The following OPA1 variants were observed in gnomAD, a reference collection of about 807,000 sequenced individuals.
OPA1 encodes dynamin-like GTPase OPA1, mitochondrial.
In OPA1, 59 loss-of-function variants were observed where a neutral mutation model predicts 152.9. That is an observed-to-expected ratio of 0.39 (90% CI 0.31 to 0.48). The LOEUF (loss-of-function observed/expected upper bound fraction) is 0.48, where lower values mean the gene tolerates loss of function less well. OPA1 is among the 20% of genes least tolerant of loss of function. The pLI is 0.96. For synonymous variants in OPA1, 400 were observed against 389.9 expected, an observed-to-expected ratio of 1.03 and a Z score of -0.31; for missense variants, 1,008 against 1,216.8, an observed-to-expected ratio of 0.83 and a Z score of 2.55.
intron 21 of OPA1, among the ~76,000 whole-genome samples, chr3:193,652,098 A>C (rs1712628582): frequency 2.0e-5 from 3 of 152,306 alleles, no homozygotes; most frequent in South Asian, 2.1e-4. Flanking sequence ...CACAGAATAT[A>C]GTCCAGGCAC....
Position 193,614,877 on chromosome 3 carries a change from T to C in OPA1, c.187T>C (p.Ser63Pro). Residue 63 changes from serine (S) to proline (P), a missense_variant, in exon 2 of 31, where the codon TCT becomes CCT. Physicochemically the swap from Ser to Pro is moderately conservative, Grantham distance 74. Around this residue, in one of 7 missense-constraint regions of OPA1, gnomAD observed 408 missense variants for 395.1 expected, o/e 1.03. Transcript: ENST00000361510. ...PQLRTSFQQF[S>P]SLTNLPLRKL... Reference sequence around the variant, plus strand: ...ATTAAGGACATCCTTTCAGCAGTTCTCTTCTCTGACAAACCTTCCTTTACG... The same window carrying C: ...ATTAAGGACATCCTTTCAGCAGTTCCCTTCTCTGACAAACCTTCCTTTACG... 1 of 1,614,110 alleles carries C rather than the reference T, an allele frequency of 6.2e-7. No homozygotes were observed. The highest frequency in any genetic ancestry group is 8.5e-7 in the Non-Finnish European group (1 of 1,179,952).
At chr3:193,630,960 T>A (rs1277048266) in intron 7 of OPA1, among the ~76,000 whole-genome samples, 1 of 152,222 alleles carries the variant, frequency 6.6e-6, no homozygotes, top group East Asian at 1.9e-4. Context: ...TAATTTTAGT[T>A]GCTTTACTTG....
intron 29 of OPA1, chr3:193,689,137 T>G (rs1312447431): frequency 6.6e-6 from 1 of 152,220 alleles, no homozygotes; most frequent in Non-Finnish European, 1.5e-5. Flanking sequence ...AGTAGATACA[T>G]CATAGCAGAG....
At chr3:193,676,021 C>T (rs1718918464) in intron 29 of OPA1, among the ~76,000 whole-genome samples, 1 of 152,210 alleles carries the variant, frequency 6.6e-6, no homozygotes, top group Non-Finnish European at 1.5e-5. Context: ...TGCCCACTCC[C>T]TTCCTAATAT....
intron 4 of OPA1, 37 bp from the exon 5 acceptor site, chr3:193,617,747 T>G: frequency 1.3e-6 from 2 of 1,515,186 alleles, no homozygotes; most frequent in Admixed American, 1.7e-5. Flanking sequence ...CTGTTAAATT[T>G]TACATTTCTA....
chr3:193,655,521 G>C (rs547685967), intron 22 of OPA1, among the ~76,000 whole-genome samples: 3 of 152,080 alleles, frequency 2.0e-5, no homozygotes, highest in Non-Finnish European at 4.4e-5. Flanking sequence ...CTACCTTAAA[G>C]AATCTATTTC....
chr3:193,671,180 T>C (rs1213826457), intron 29 of OPA1, among the ~76,000 whole-genome samples: 1 of 152,210 alleles, frequency 6.6e-6, no homozygotes, highest in Non-Finnish European at 1.5e-5. Flanking sequence ...AGAGTAACTT[T>C]ACAGTGGATG....
At chr3:193,658,393 T>C (rs1714423492) in intron 23 of OPA1, among the ~76,000 whole-genome samples, 1 of 152,212 alleles carries the variant, frequency 6.6e-6, no homozygotes, top group Non-Finnish European at 1.5e-5. Context: ...TAAATAACTT[T>C]TATGATTTTA....
rs55904490 is a variant in OPA1, at chr3:193,604,860, C to CAAAAAA, written c.33-9853_33-9848dup. Among the ~76,000 whole-genome samples the CAAAAAA allele has an allele frequency of 1.2e-3, 127 of 104,472 alleles. 1 individual carries two copies. The highest frequency in any genetic ancestry group is 1.5e-3 in the African/African-American group (40 of 26,002). The allele number at this position is 104,472 out of a possible 152,430, so 68.5% of individuals were successfully genotyped here. On this transcript the variant is annotated intron_variant, in intron 1 of 30. Coordinates refer to ENST00000361510, the MANE Select transcript of OPA1 (RefSeq NM_130837.3). The stretch of plus-strand genomic sequence containing the variant: ...GGGCAACAAGAGTGAAACTCCATCT[C>CAAAAAA]AAAAAAAAAAAAAAAGAAAAAAGAA...
chr3:193,619,715 T>C (rs1015506275), intron 6 of OPA1: 6 of 152,178 alleles, frequency 3.9e-5, no homozygotes, highest in Non-Finnish European at 4.4e-5. Flanking sequence ...GAAAAAATAT[T>C]GTATGAATGT....
intron 29 of OPA1, among the ~76,000 whole-genome samples, chr3:193,690,706 A>C (rs1721565691): frequency 6.6e-6 from 1 of 152,132 alleles, no homozygotes; most frequent in Non-Finnish European, 1.5e-5. Context: ...CTTCAATTGC[A>C]GATTATTTAC....
intron 6 of OPA1, among the ~76,000 whole-genome samples, chr3:193,625,690 G>A (rs553855411): frequency 2.6e-5 from 4 of 151,002 alleles, no homozygotes; most frequent in Admixed American, 2.6e-4. Context: ...AATTTAATAA[G>A]TAAGTAAGCT....
chr3:193,657,314 T>C (rs994413261), intron 23 of OPA1, 82 bp downstream of exon 23: 1 of 1,278,804 alleles, frequency 7.8e-7, no homozygotes, highest in African/African-American at 1.5e-5. Context: ...GGAGACTTTA[T>C]ATGACTAAAT....
chr3:193,610,805 G>A (rs1369255670), intron 1 of OPA1, among the ~76,000 whole-genome samples: 2 of 152,250 alleles, frequency 1.3e-5, no homozygotes, highest in Non-Finnish European at 2.9e-5. Context: ...AGCAATGAGC[G>A]AGGCTCCATG....
At chr3:193,651,085 G>T (rs564083539) in intron 21 of OPA1, among the ~76,000 whole-genome samples, 12 of 152,210 alleles carry the variant, frequency 7.9e-5, no homozygotes, top group East Asian at 7.7e-4. Context: ...ATAAATGGGG[G>T]CAAGAGGCAG....
chr3:193,615,710 A>G lies in OPA1; in HGVS notation c.388A>G (p.Ser130Gly). ...DQWKDMIPDL[S>G]EYKWIVPDIV... ...GTGGAAAGATATGATACCGGACCTT[A>G]GTGAATATAAATGGATTGTGCCTGA... is the stretch of plus-strand genomic sequence containing the variant. The change falls in exon 3 of 31, where the codon AGT (serine) becomes GGT (glycine). Residue 130 changes from serine to glycine, a missense_variant. Physicochemically the swap from Ser to Gly is moderately conservative, Grantham distance 56. Coordinates refer to ENST00000361510, the MANE Select transcript of OPA1 (RefSeq NM_130837.3). 4 of 1,612,326 alleles carry G rather than the reference A, an allele frequency of 2.5e-6. No homozygotes were observed. The highest frequency in any genetic ancestry group is 3.4e-6 in the Non-Finnish European group (4 of 1,178,464).
intron 29 of OPA1, among the ~76,000 whole-genome samples, chr3:193,672,342 G>T (rs1040091367): frequency 6.6e-6 from 1 of 152,120 alleles, no homozygotes; most frequent in African/African-American, 2.4e-5. Flanking sequence ...AGTAGTGTTT[G>T]CTGCTAAGCC....
chr3:193,642,793 T>C lies in OPA1; in HGVS notation c.1178T>C (p.Val393Ala). The change falls in exon 12 of 31, where the codon GTG becomes GCG. Residue 393 changes from valine to alanine, a missense_variant. Val to Ala is a moderately conservative substitution (Grantham distance 64). Around this residue, in one of 7 missense-constraint regions of OPA1, gnomAD observed 213 missense variants for 291.4 expected, o/e 0.73. Coordinates refer to ENST00000361510, the MANE Select transcript of OPA1 (RefSeq NM_130837.3). The part of the protein sequence containing the change: ...KVTLSEGPHH[V>A]ALFKDSSREF... ...ACTCTGAGTGAAGGTCCTCACCATGTGGCCCTATTTAAAGATAGTTCTCGG... is the reference window on the plus strand; with the variant it reads ...ACTCTGAGTGAAGGTCCTCACCATGCGGCCCTATTTAAAGATAGTTCTCGG... 1 of 1,613,552 alleles carries C rather than the reference T, an allele frequency of 6.2e-7. No homozygotes were observed. The highest frequency in any genetic ancestry group is 8.5e-7 in the Non-Finnish European group (1 of 1,179,500).
chr3:193,618,890 T>C lies in OPA1; in HGVS notation c.632T>C (p.Phe211Ser), dbSNP rs774364044. ...TAAGGTTCTCCGGAAGAAACGGCGT[T>C]TAGAGCAACAGATCGTGGATCTGAA... ...LLLGSPEETA[F>S]RATDRGSESD... Residue 211 changes from phenylalanine to serine, a missense_variant, in exon 6 of 31, where the codon TTT becomes TCT. Transcript: ENST00000361510. 2 of 1,613,854 alleles carry C rather than the reference T, an allele frequency of 1.2e-6. No individual in the cohort carries two copies. Among genetic ancestry groups the C allele is most frequent in the Admixed American group, 1.7e-5 (1 of 60,022 alleles).
Sources: gnomAD v4.1 joint callset for allele counts (sites outside exome capture counted in the v4.1 genomes callset) on GRCh38, gnomAD v4.1.1 for gene constraint, gnomAD v4.1.1 regional missense constraint, MANE v1.5 for transcripts, NCBI Gene and HGNC (gene_info 2026-07-23, HGNC 2026-07-21) for gene names.